The following NIPA2 variants were observed in gnomAD, a reference collection of about 807,000 sequenced individuals.
NIPA2 encodes NIPA magnesium transporter 2.
In NIPA2, 11 loss-of-function variants were observed where a neutral mutation model predicts 29.7. That is an observed-to-expected ratio of 0.37 (90% confidence interval 0.23 to 0.61). NIPA2 has a LOEUF of 0.61. Among genes scored for constraint, NIPA2 ranks in the 20% least tolerant of loss-of-function variants. The pLI, the probability that NIPA2 is intolerant of heterozygous loss-of-function variation, is 0.66. For missense variants in NIPA2, 426 were observed against 437.9 expected (o/e 0.97, Z 0.24); for synonymous variants, 183 against 161.9 (o/e 1.13, Z -0.99).
intron 7 of NIPA2, among the ~76,000 whole-genome samples, chr15:22,865,378 C>G (rs1217529207): frequency 6.6e-6 from 1 of 151,778 alleles, no homozygotes; most frequent in Non-Finnish European, 1.5e-5. Flanking sequence ...CCCAGCTACT[C>G]AGGAGGCTGA....
chr15:22,840,156 A>T (rs1277090313), intron 2 of NIPA2, among the ~76,000 whole-genome samples: 1 of 152,018 alleles, frequency 6.6e-6, no homozygotes, highest in African/African-American at 2.4e-5. Flanking sequence ...TCTGGACTTA[A>T]GCGATCCAAC....
rs571679852 is a variant in NIPA2 at position 22,845,929 on chromosome 15, T to C, written c.-94+662T>C. Among the ~76,000 whole-genome samples, 6 of 152,236 alleles carry C rather than the reference T, an allele frequency of 3.9e-5. No homozygotes were observed. The East Asian group carries it at 7.7e-4, about 20-fold the overall frequency. ...TAGCATCATGAAACTTTATGTAAAA[T>C]AAATATGGAGAAAATCTCATATGAT... On this transcript the variant is annotated intron_variant, in intron 3 of 7. Transcript: ENST00000337451.
intron 6 of NIPA2, among the ~76,000 whole-genome samples, chr15:22,859,274 G>A (rs1227473464): frequency 2.0e-5 from 3 of 151,022 alleles, no homozygotes; most frequent in South Asian, 4.2e-4. Flanking sequence ...GGTTGGTAAT[G>A]AGTAGATTTC....
In NIPA2 at chr15:22,867,543, G is replaced by GTT. The variant is rs1328666640; in HGVS notation, c.*697_*698dup. 4.3e-6 allele frequency: 1 copy of GTT among 230,170 alleles called. No individual in the cohort carries two copies. Among genetic ancestry groups the GTT allele is most frequent in the African/African-American group, 2.2e-5 (1 of 44,526 alleles). 14.3% of individuals were successfully genotyped at this position (230,170 alleles called of 1,614,324 possible). A position where few individuals can be genotyped will look rare whatever the true frequency, so the allele number is the denominator to read the frequency against. On this transcript the variant is annotated 3_prime_UTR_variant, in exon 8 of 8. Transcript: ENST00000337451. ...GCAGCCTGGCTGGGTTTATTCTTCA[G>GTT]TTACCCTAATCCCATGATGCCTGGA...
intron 4 of NIPA2, 23 bp from the exon 5 acceptor site, chr15:22,853,189 G>A (rs933738578): frequency 1.4e-5 from 22 of 1,554,598 alleles, no homozygotes; most frequent in Admixed American, 8.4e-5. Flanking sequence ...TTCCAAAGAT[G>A]TGAAATATTT....
At chr15:22,861,097 C>T (rs1595398504) in intron 7 of NIPA2, among the ~76,000 whole-genome samples, 2 of 152,154 alleles carry the variant, frequency 1.3e-5, no homozygotes, top group Non-Finnish European at 2.9e-5. Flanking sequence ...ATCATTGATA[C>T]ATAACTTTTA....
intron 2 of NIPA2, among the ~76,000 whole-genome samples, chr15:22,842,722 A>C (rs1043871158): frequency 6.6e-6 from 1 of 152,020 alleles, no homozygotes; most frequent in African/African-American, 2.4e-5. Flanking sequence ...CCAGATACTC[A>C]GGAGGCTGAG....
Position 22,865,789 on chromosome 15 carries a change from T to TG in NIPA2, c.449-424_449-423insG, listed in dbSNP as rs371753554. Among the ~76,000 whole-genome samples, 33 of 143,516 alleles carry TG rather than the reference T, an allele frequency of 2.3e-4. No homozygotes were observed. The South Asian group carries it at 7.0e-3, about 30-fold the overall frequency. 94.2% of individuals were successfully genotyped at this position (143,516 alleles called of 152,430 possible). Reference sequence around the variant, plus strand: ...GCAGTTGTCCACAAATTTTAAAAGTTTCCCCTTTTAGGGAAAACTTGATGA... The same window carrying TG: ...GCAGTTGTCCACAAATTTTAAAAGTTGTCCCCTTTTAGGGAAAACTTGATGA... On this transcript the variant is annotated intron_variant, in intron 7 of 7. Transcript: ENST00000337451.
At chr15:22,866,187 A>T in intron 7 of NIPA2, 26 bp from the exon 8 acceptor site, 1 of 1,595,816 alleles carries the variant, frequency 6.3e-7, no homozygotes, top group Non-Finnish European at 8.6e-7. Context: ...CATTTGACTC[A>T]TGTAACTTTT....
Position 22,864,405 on chromosome 15 carries a change from C to T in NIPA2, c.449-1808C>T, listed in dbSNP as rs371125029. Among the ~76,000 whole-genome samples, 486 of 152,304 alleles carry T rather than the reference C, an allele frequency of 3.2e-3. 3 individuals carry two copies. The highest frequency in any genetic ancestry group is 0.011 in the African/African-American group (469 of 41,562). On this transcript the variant is annotated intron_variant, in intron 7 of 7. Coordinates refer to ENST00000337451, the MANE Select transcript of NIPA2 (RefSeq NM_030922.7). ...TTCTGACCTCATGATCCGCCCACCT[C>T]GGCCGCCCAAAGTGCTGGGATTACA...
intron 5 of NIPA2, among the ~76,000 whole-genome samples, chr15:22,853,919 C>T (rs981254542): frequency 2.6e-5 from 4 of 152,052 alleles, no homozygotes; most frequent in Non-Finnish European, 4.4e-5. Context: ...CCTTCGCCTC[C>T]CGGGTTCAAG....
In NIPA2 at chr15:22,848,233, C is replaced by T. The variant is rs116543096; in HGVS notation, c.-94+2966C>T. Among the ~76,000 whole-genome samples the T allele has an allele frequency of 5.6e-3, 854 of 152,080 alleles. 10 individuals carry two copies. The highest frequency in any genetic ancestry group is 0.02 in the African/African-American group (826 of 41,486). On this transcript the variant is annotated intron_variant, in intron 3 of 7. Coordinates refer to ENST00000337451, the MANE Select transcript of NIPA2 (RefSeq NM_030922.7). ...GTTTCTCACTCCCATTTTCGTAGTC[C>T]GTATAACCATTTTCCTTGCATTTTC...
At position 22,860,697 on chromosome 15, in the gene NIPA2, G is replaced by C. The variant is rs1350314047; in HGVS notation, c.356G>C (p.Ser119Thr). ...CATGGGAAAATTGGGTGTTTGCTAAGTATTCTAGGATCTACAGTTATGGTC... is the reference window on the plus strand; with the variant it reads ...CATGGGAAAATTGGGTGTTTGCTAACTATTCTAGGATCTACAGTTATGGTC... ...NLHGKIGCLL[S>T]ILGSTVMVIH... is the part of the protein sequence containing the mutation. The change falls in exon 7 of 8, where the codon AGT becomes ACT. Residue 119 changes from serine to threonine, a missense_variant. Physicochemically the swap from Ser to Thr is moderately conservative, Grantham distance 58. Coordinates refer to ENST00000337451, the MANE Select transcript of NIPA2 (RefSeq NM_030922.7). The C allele has an allele frequency of 6.2e-7, 1 of 1,600,918 alleles. No individual in the cohort carries two copies. Among genetic ancestry groups the C allele is most frequent in the Middle Eastern group, 1.7e-4 (1 of 6,040 alleles).
chr15:22,846,818 A>AAAT (rs1555380233), intron 3 of NIPA2, among the ~76,000 whole-genome samples: 1,388 of 135,794 alleles, frequency 0.01, 17 homozygotes, highest in East Asian at 0.069. Context: ...CCTGTCTCCA[A>AAAT]AATAATAATA....
intron 2 of NIPA2, among the ~76,000 whole-genome samples, chr15:22,840,827 A>C (rs1325822574): frequency 6.6e-6 from 1 of 152,116 alleles, no homozygotes; most frequent in African/African-American, 2.4e-5. Flanking sequence ...AGAGATAATA[A>C]AAAGAATTTC....
chr15:22,840,113 GT>G (rs1420219496), intron 2 of NIPA2, among the ~76,000 whole-genome samples: 3 of 151,698 alleles, frequency 2.0e-5, no homozygotes, highest in Admixed American at 6.6e-5. Flanking sequence ...TAGAACCGGG[GT>G]TTCACCATGT....
chr15:22,860,836 T>C lies in NIPA2; in HGVS notation c.448+47T>C, dbSNP rs777286223. The C allele has an allele frequency of 7.7e-6, 11 of 1,429,160 alleles. No individual in the cohort carries two copies. The East Asian group carries it at 1.7e-4, about 22-fold the overall frequency. 88.5% of individuals were successfully genotyped at this position (1,429,160 alleles called of 1,614,324 possible). Reference sequence around the variant, plus strand: ...TCTTACTGTATTTTACTTTTTAACTTAGTTTTTACTTTAATCGAAATTTGA... The same window carrying C: ...TCTTACTGTATTTTACTTTTTAACTCAGTTTTTACTTTAATCGAAATTTGA... On this transcript the variant is annotated intron_variant, in intron 7 of 7. Coordinates refer to ENST00000337451, the MANE Select transcript of NIPA2 (RefSeq NM_030922.7).
intron 2 of NIPA2, among the ~76,000 whole-genome samples, chr15:22,840,148 T>C (rs2140935115): frequency 6.6e-6 from 1 of 152,174 alleles, no homozygotes; most frequent in East Asian, 1.9e-4. Context: ...CTCCTAATTC[T>C]GGACTTAAGC....
At position 22,867,244 on chromosome 15, in the gene NIPA2, A is replaced by G; in HGVS notation, c.*397A>G. The stretch of plus-strand genomic sequence containing the variant: ...ATGTAAGGCTTTTTTATTTTAAAAA[A>G]ACAGAGTTATCCCAATACATTATCC... On this transcript the variant is annotated 3_prime_UTR_variant, in exon 8 of 8. Transcript: ENST00000337451. 1 of 404,304 alleles carries G rather than the reference A, an allele frequency of 2.5e-6. No individual in the cohort carries two copies. Among genetic ancestry groups the G allele is most frequent in the Non-Finnish European group, 4.4e-6 (1 of 229,804 alleles). The allele number at this position is 404,304 out of a possible 1,614,324, so 25.0% of individuals were successfully genotyped here.
Sources: allele counts gnomAD v4.1 joint callset (sites outside exome capture counted in the v4.1 genomes callset), GRCh38; gene constraint gnomAD v4.1.1; transcripts MANE v1.5; gene names NCBI Gene and HGNC (gene_info 2026-07-23, HGNC 2026-07-21).